The following ROR1 variants were observed in gnomAD, a reference collection of about 807,000 sequenced individuals.
ROR1 encodes inactive tyrosine-protein kinase transmembrane receptor ROR1.
In ROR1, 19 loss-of-function variants were observed where a neutral mutation model predicts 78.8. That is an observed-to-expected ratio of 0.24 (90% CI 0.17 to 0.35). The LOEUF is 0.35. ROR1 is among the 10% of genes least tolerant of loss of function. The pLI is 1.00. For synonymous variants in ROR1, 386 were observed against 433.6 expected, an observed-to-expected ratio of 0.89 and a Z score of 1.36; for missense variants, 917 against 1,177.8, an observed-to-expected ratio of 0.78 and a Z score of 3.24.
chr1:64,139,118 G>C (rs1649219869), intron 5 of ROR1, among the ~76,000 whole-genome samples: 1 of 136,020 alleles, frequency 7.4e-6, no homozygotes, highest in African/African-American at 2.8e-5. Context: ...ACTGAGCTGA[G>C]AGCGTAACCC....
Position 64,113,338 on chromosome 1 carries a change from T to C in ROR1, c.483-24031T>C, listed in dbSNP as rs185311242. On this transcript the variant is annotated intron_variant, in intron 4 of 8. Transcript: ENST00000371079. ...CATATCTATGGAAAGAGTGAATCAG[T>C]GAAAGTAGACATAGCACTCTGCAGT... is the stretch of plus-strand genomic sequence containing the variant. Among the ~76,000 whole-genome samples the C allele has an allele frequency of 3.5e-4, 54 of 152,240 alleles. 2 individuals are homozygous for C. The East Asian group carries it at 0.01, about 29-fold the overall frequency.
intron 5 of ROR1, among the ~76,000 whole-genome samples, 198 bp downstream of exon 5, chr1:64,137,694 A>G (rs1649162767): frequency 6.6e-6 from 1 of 152,216 alleles, no homozygotes; most frequent in South Asian, 2.1e-4. Flanking sequence ...TCTTAGAGGA[A>G]AAGGAAGCTT....
intron 1 of ROR1, among the ~76,000 whole-genome samples, chr1:63,888,998 C>T (rs1006549809): frequency 3.9e-5 from 6 of 152,182 alleles, no homozygotes; most frequent in African/African-American, 4.8e-5. Context: ...ATGAGATTGC[C>T]GTCATGCTGT....
At chr1:64,006,900 C>T (rs1397104396) in intron 1 of ROR1, among the ~76,000 whole-genome samples, 3 of 152,184 alleles carry the variant, frequency 2.0e-5, no homozygotes, top group African/African-American at 7.2e-5. Context: ...AGTGAGTCAA[C>T]ATCCTGTTCT....
chr1:64,046,773 T>G (rs1336966178), intron 2 of ROR1, among the ~76,000 whole-genome samples: 2 of 152,198 alleles, frequency 1.3e-5, no homozygotes, highest in Non-Finnish European at 2.9e-5. Flanking sequence ...CAAAGCAGAC[T>G]GGTGGAGTGA....
intron 2 of ROR1, among the ~76,000 whole-genome samples, chr1:64,011,612 A>G (rs1025552036): frequency 6.6e-6 from 1 of 152,200 alleles, no homozygotes; most frequent in Non-Finnish European, 1.5e-5. Context: ...AGTGGTGTCA[A>G]TAGTATGAAC....
intron 7 of ROR1, among the ~76,000 whole-genome samples, chr1:64,154,712 T>G (rs1296298948): frequency 1.3e-5 from 2 of 152,226 alleles, no homozygotes; most frequent in Non-Finnish European, 2.9e-5. Context: ...AAAAGGAAAT[T>G]AATCATGTGA....
Position 64,159,198 on chromosome 1 carries a change from G to T in ROR1, c.1386+6G>T. ...TGAATGCATATAAACCCAAGGTAATGTTAGCAGTACAGAGCTACATTTGTT... is the reference window on the plus strand; with the variant it reads ...TGAATGCATATAAACCCAAGGTAATTTTAGCAGTACAGAGCTACATTTGTT... On this transcript the variant is annotated splice_donor_region_variant and intron_variant, in intron 8 of 8. Transcript: ENST00000371079. The T allele has an allele frequency of 6.2e-7, 1 of 1,604,576 alleles. No homozygotes were observed. The highest frequency in any genetic ancestry group is 1.1e-5 in the South Asian group (1 of 90,862).
At position 64,146,457 on chromosome 1, in the gene ROR1, T is replaced by C. The variant is rs367723090; in HGVS notation, c.1174+3807T>C. On this transcript the variant is annotated intron_variant, in intron 7 of 8. Transcript: ENST00000371079. ...CACCACTGCACTCCAGCCTGGGCGA[T>C]AGAGCGAGACTCAGTCTCAAGAAGA... is the stretch of plus-strand genomic sequence containing the variant. Among the ~76,000 whole-genome samples the C allele has an allele frequency of 1.2e-3, 190 of 152,174 alleles. 5 individuals are homozygous for C. In the South Asian group the frequency reaches 0.038, roughly 30 times the overall value.
At chr1:63,903,734 ATATC>A (rs1345126275) in intron 1 of ROR1, among the ~76,000 whole-genome samples, 3 of 151,980 alleles carry the variant, frequency 2.0e-5, no homozygotes, top group South Asian at 2.1e-4. Context: ...ATAACTATAT[ATATC>A]TATATAGTTG....
intron 1 of ROR1, among the ~76,000 whole-genome samples, chr1:63,820,970 T>C (rs1393702859): frequency 6.6e-6 from 1 of 152,172 alleles, no homozygotes; most frequent in Non-Finnish European, 1.5e-5. Flanking sequence ...CTATCTCTGT[T>C]ACAGGCTTCT....
chr1:63,837,287 TA>T (rs1300722980), intron 1 of ROR1, among the ~76,000 whole-genome samples: 1 of 152,218 alleles, frequency 6.6e-6, no homozygotes, highest in Non-Finnish European at 1.5e-5. Flanking sequence ...TGCATACTAT[TA>T]TTCTTTTTCA....
At chr1:63,893,734 C>G (rs1645418021) in intron 1 of ROR1, among the ~76,000 whole-genome samples, 1 of 152,080 alleles carries the variant, frequency 6.6e-6, no homozygotes, top group South Asian at 2.1e-4. Flanking sequence ...CTGGATGGTG[C>G]TATACAAAGT....
At chr1:64,164,534 C>T (rs764185199) in intron 8 of ROR1, among the ~76,000 whole-genome samples, 27 of 152,216 alleles carry the variant, frequency 1.8e-4, no homozygotes, top group Non-Finnish European at 3.2e-4. Context: ...GCATGTCTGG[C>T]ACCTCACAGG....
intron 1 of ROR1, among the ~76,000 whole-genome samples, chr1:63,914,396 G>A (rs1240029980): frequency 2.6e-5 from 4 of 152,174 alleles, no homozygotes; most frequent in Non-Finnish European, 5.9e-5. Flanking sequence ...TTCCTAGGGA[G>A]AGGAAGGCAG....
intron 4 of ROR1, among the ~76,000 whole-genome samples, chr1:64,078,806 T>A (rs1321308874): frequency 6.6e-6 from 1 of 152,118 alleles, no homozygotes; most frequent in Non-Finnish European, 1.5e-5. Context: ...TCTCTGAGGT[T>A]AAAGGCAAGT....
intron 1 of ROR1, among the ~76,000 whole-genome samples, chr1:63,887,337 G>A (rs1645364340): frequency 6.6e-6 from 1 of 151,918 alleles, no homozygotes; most frequent in Non-Finnish European, 1.5e-5. Flanking sequence ...ATTGTGATGG[G>A]GCTAATGCTT....
Position 63,945,491 on chromosome 1 carries a change from TG to T in ROR1, c.92-63813del, listed in dbSNP as rs150796012. Among the ~76,000 whole-genome samples the T allele has an allele frequency of 6.1e-3, 935 of 152,318 alleles. 6 individuals carry two copies. Among genetic ancestry groups the T allele is most frequent in the African/African-American group, 0.022 (895 of 41,568 alleles). On this transcript the variant is annotated intron_variant, in intron 1 of 8. Coordinates refer to ENST00000371079, the MANE Select transcript of ROR1 (RefSeq NM_005012.4). The stretch of plus-strand genomic sequence containing the variant: ...CCCTGACCTATAGTTTGAAAAACAC[TG>T]ATGAAGAGATGGCCTATTTCTGGGG...
intron 1 of ROR1, among the ~76,000 whole-genome samples, chr1:63,885,992 G>T (rs558690985): frequency 1.3e-4 from 18 of 140,892 alleles, no homozygotes; most frequent in Non-Finnish European, 2.8e-4. Context: ...GGAGCCCTGA[G>T]CTTGTTTTCC....
Sources: allele counts gnomAD v4.1 joint callset (sites outside exome capture counted in the v4.1 genomes callset), GRCh38; gene constraint gnomAD v4.1.1; transcripts MANE v1.5; gene names NCBI Gene and HGNC (gene_info 2026-07-23, HGNC 2026-07-21).